SPTAN1: variants seen among roughly 807,000 people sequenced by gnomAD.
SPTAN1 encodes spectrin alpha chain, non-erythrocytic 1.
SPTAN1 carries 61 observed loss-of-function variants against 331.3 expected under a neutral mutation model. The ratio of observed to expected loss-of-function variants is 0.18; its 90% confidence interval spans 0.15 to 0.23. The LOEUF (loss-of-function observed/expected upper bound fraction) is 0.23, where lower values mean the gene tolerates loss of function less well. SPTAN1 is among the 10% of genes least tolerant of loss of function. The probability of loss-of-function intolerance (pLI) is 1.00; values close to 1 mark genes in which losing one functional copy is unlikely to be tolerated. For synonymous variants in SPTAN1, 1,153 were observed against 1,173.9 expected (o/e 0.98, Z 0.36); for missense variants, 2,043 against 3,147.9 (o/e 0.65, Z 8.40).
At chr9:128,570,155 C>A (rs1426133870) in intron 3 of SPTAN1, among the ~76,000 whole-genome samples, 1 of 151,664 alleles carries the variant, frequency 6.6e-6, no homozygotes, top group Non-Finnish European at 1.5e-5. Flanking sequence ...GAATGAGGCA[C>A]CTCTGTAGTA....
intron 16 of SPTAN1, 70 bp downstream of exon 16, chr9:128,584,039 AT>A: frequency 6.3e-7 from 1 of 1,590,184 alleles, no homozygotes; most frequent in South Asian, 1.1e-5. Context: ...AAAGCCAGTA[AT>A]TTGAGACTAA....
At chr9:128,575,758 G>A (rs1322745267) in intron 5 of SPTAN1, among the ~76,000 whole-genome samples, 1 of 152,132 alleles carries the variant, frequency 6.6e-6, no homozygotes, top group Non-Finnish European at 1.5e-5. Flanking sequence ...TCTCTTGGGA[G>A]CCTGGGAGAA....
chr9:128,590,549 A>AG, intron 21 of SPTAN1, among the ~76,000 whole-genome samples: 1 of 144,356 alleles, frequency 6.9e-6, no homozygotes, highest in Non-Finnish European at 1.5e-5. Flanking sequence ...ATTTATATTA[A>AG]AAAAGAAAAA....
At chr9:128,626,919 A>G (rs1048904958) in intron 49 of SPTAN1, 3 of 626,108 alleles carry the variant, frequency 4.8e-6, no homozygotes, top group Non-Finnish European at 8.7e-6. Flanking sequence ...GGCTCAGGTG[A>G]TCCTCTTGCC....
intron 26 of SPTAN1, chr9:128,599,472 AAAAAAGTTG>A: frequency 6.2e-6 from 1 of 160,280 alleles, no homozygotes; most frequent in South Asian, 1.6e-4. Flanking sequence ...CCAAAAGACA[AAAAAAGTTG>A]GTTTTTTTTT....
chr9:128,589,778 T>C (rs1853219851), intron 21 of SPTAN1, among the ~76,000 whole-genome samples: 1 of 145,678 alleles, frequency 6.9e-6, no homozygotes, highest in Non-Finnish European at 1.5e-5. Context: ...GGTTTCACCG[T>C]GTTAGCCAGG....
intron 12 of SPTAN1, 52 bp downstream of exon 12, chr9:128,581,944 G>C (rs559731941): frequency 7.5e-7 from 1 of 1,330,926 alleles, no homozygotes; most frequent in African/African-American, 1.4e-5. Flanking sequence ...GTAAGCCAGA[G>C]TCTTTTTCCC....
In SPTAN1 at chr9:128,625,716, C is replaced by A; in HGVS notation, c.6070-53C>A. ...TGGTGCCATCTGAGCCTAGGAAGAG[C>A]AAGTTCCAGTCCTGTGGAGTCACCA... On this transcript the variant is annotated intron_variant, in intron 47 of 56. Transcript: ENST00000372739. The surrounding 1 kb of genome is among the most constrained non-coding windows in gnomAD (Gnocchi z 4.1). 6.4e-7 allele frequency: 1 copy of A among 1,565,956 alleles called. No individual in the cohort carries two copies. Among genetic ancestry groups the A allele is most frequent in the Non-Finnish European group, 8.8e-7 (1 of 1,140,138 alleles).
chr9:128,583,056 A>G, intron 14 of SPTAN1, 21 bp from the exon 15 acceptor site: 4 of 1,613,128 alleles, frequency 2.5e-6, no homozygotes, highest in Non-Finnish European at 3.4e-6. Context: ...GATAGAAAGA[A>G]CCCCCTTCTT....
intron 51 of SPTAN1, chr9:128,628,248 C>T (rs1859101600): frequency 1.9e-6 from 1 of 532,504 alleles, no homozygotes. Context: ...GTCCAGAGGC[C>T]CTAAGAACCC....
chr9:128,612,583 A>G (rs1044780254), intron 39 of SPTAN1, among the ~76,000 whole-genome samples: 1 of 152,318 alleles, frequency 6.6e-6, no homozygotes, highest in East Asian at 1.9e-4. Context: ...AGCCAGAGTC[A>G]GTCATGTATT....
At chr9:128,617,597 G>A in intron 41 of SPTAN1, 43 bp from the exon 42 acceptor site, 2 of 1,613,818 alleles carry the variant, frequency 1.2e-6, no homozygotes, top group Non-Finnish European at 1.7e-6. Context: ...TGAAAGCAGG[G>A]AGGTGCAGAG....
chr9:128,588,159 A>C (rs1174591516), intron 20 of SPTAN1, among the ~76,000 whole-genome samples: 2 of 150,178 alleles, frequency 1.3e-5, no homozygotes, highest in East Asian at 2.0e-4. Flanking sequence ...CACCACGCCC[A>C]GCTAATTTTT....
At chr9:128,597,901 G>A (rs1377330181) in intron 24 of SPTAN1, among the ~76,000 whole-genome samples, 1 of 151,928 alleles carries the variant, frequency 6.6e-6, no homozygotes, top group Non-Finnish European at 1.5e-5. Flanking sequence ...CACCCATCTC[G>A]GCCTCCCAAA....
chr9:128,599,177 C>T (rs1854721946), intron 26 of SPTAN1, 191 bp downstream of exon 26: 3 of 654,616 alleles, frequency 4.6e-6, no homozygotes, highest in Non-Finnish European at 8.4e-6. Flanking sequence ...CTCTGTCAAC[C>T]AGGCTGGAGT....
At chr9:128,620,123 AG>A (rs1857658246) in intron 44 of SPTAN1, among the ~76,000 whole-genome samples, 1 of 152,194 alleles carries the variant, frequency 6.6e-6, no homozygotes, top group African/African-American at 2.4e-5. Flanking sequence ...TTCTGGCCAA[AG>A]CAAGTCCCAA....
chr9:128,570,322 ATATATATATTTTT>A (rs1483557718), intron 3 of SPTAN1, among the ~76,000 whole-genome samples: 1 of 33,582 alleles, frequency 3.0e-5, no homozygotes, highest in African/African-American at 1.3e-4. Flanking sequence ...ATATATATAT[ATATATATATTTTT>A]TTTTTTTTTT....
Position 128,611,761 on chromosome 9 carries a change from C to T in SPTAN1, c.4821C>T (p.Asn1607=), listed in dbSNP as rs539062498. 26 of 1,614,146 alleles carry T rather than the reference C, an allele frequency of 1.6e-5. No homozygotes were observed. The highest frequency in any genetic ancestry group is 3.3e-4 in the Middle Eastern group (2 of 6,062). Reference sequence around the variant, plus strand: ...CTTTTGAAGCAGAGCTGCATGCCAACGCTGACCGGATCCGTGGGGTTATCG... The same window carrying T: ...CTTTTGAAGCAGAGCTGCATGCCAATGCTGACCGGATCCGTGGGGTTATCG... ...HQAFEAELHA[N]ADRIRGVIDM... The change falls in exon 38 of 57, where the codon AAC becomes AAT. Residue 1607 remains asparagine, a synonymous_variant. Coordinates refer to ENST00000372739, the MANE Select transcript of SPTAN1 (RefSeq NM_001130438.3).
At chr9:128,555,283 T>C (rs938075267) in intron 1 of SPTAN1, 3 of 1,105,506 alleles carry the variant, frequency 2.7e-6, no homozygotes, top group Non-Finnish European at 3.6e-6. Flanking sequence ...TAATCTGTTT[T>C]CTTCATGATT....
Sources: allele counts gnomAD v4.1 joint callset (sites outside exome capture counted in the v4.1 genomes callset), GRCh38; gene constraint gnomAD v4.1.1; non-coding constraint Gnocchi (gnomAD v3.1); transcripts MANE v1.5; gene names NCBI Gene and HGNC (gene_info 2026-07-23, HGNC 2026-07-21).